RNGTT: variants seen among roughly 807,000 people sequenced by gnomAD.
The protein encoded by RNGTT is mRNA-capping enzyme.
A neutral mutation model predicts 79.3 loss-of-function variants in RNGTT; 33 were observed. The observed-to-expected ratio is 0.42, with a 90% CI of 0.32 to 0.56. RNGTT has a LOEUF of 0.56. Among genes scored for constraint, RNGTT ranks in the 20% least tolerant of loss-of-function variants. The pLI is 0.17. For synonymous variants in RNGTT, 222 were observed against 235.9 expected (o/e 0.94, Z 0.54); for missense variants, 497 against 739.1 (o/e 0.67, Z 3.80).
At chr6:88,783,043 G>A (rs1292571482) in intron 12 of RNGTT, among the ~76,000 whole-genome samples, 1 of 152,130 alleles carries the variant, frequency 6.6e-6, no homozygotes, top group African/African-American at 2.4e-5. Context: ...CCACCTCTGA[G>A]TATGTATCTG....
chr6:88,729,044 G>A (rs1461641786), intron 13 of RNGTT, among the ~76,000 whole-genome samples: 1 of 152,096 alleles, frequency 6.6e-6, no homozygotes, highest in East Asian at 1.9e-4. Flanking sequence ...GGATTCTACC[G>A]CCTGGAGTAA....
At chr6:88,875,106 T>A (rs1458255752) in intron 8 of RNGTT, among the ~76,000 whole-genome samples, 1 of 152,086 alleles carries the variant, frequency 6.6e-6, no homozygotes, top group African/African-American at 2.4e-5. Flanking sequence ...ATTAAAGCAG[T>A]AAATATTGTC....
chr6:88,906,272 C>T (rs950668389), intron 5 of RNGTT, 93 bp downstream of exon 5: 1 of 733,490 alleles, frequency 1.4e-6, no homozygotes, highest in Non-Finnish European at 2.2e-6. Flanking sequence ...CATGAGTTCA[C>T]CAAAAACTTG....
At chr6:88,631,282 CT>C (rs1772873649) in intron 14 of RNGTT, among the ~76,000 whole-genome samples, 5 of 152,160 alleles carry the variant, frequency 3.3e-5, no homozygotes, top group Admixed American at 2.0e-4. Flanking sequence ...CAGAGATCTC[CT>C]ACAGGAAAAC....
At chr6:88,940,963 G>A (rs1002129971) in intron 2 of RNGTT, 108 bp downstream of exon 2, 13 of 590,590 alleles carry the variant, frequency 2.2e-5, no homozygotes, top group African/African-American at 3.7e-5. Context: ...AACTTCCCTT[G>A]AGTCTATTAA....
chr6:88,706,932 G>A (rs1429444071), intron 13 of RNGTT, among the ~76,000 whole-genome samples: 1 of 151,602 alleles, frequency 6.6e-6, no homozygotes, highest in African/African-American at 2.4e-5. Flanking sequence ...ATCAAACGAC[G>A]AAGACATTAA....
chr6:88,780,625 G>A (rs1173079823), intron 12 of RNGTT, among the ~76,000 whole-genome samples: 2 of 144,560 alleles, frequency 1.4e-5, no homozygotes, highest in Non-Finnish European at 3.0e-5. Flanking sequence ...TGTATGAGGT[G>A]AGCTGTCAAA....
intron 13 of RNGTT, among the ~76,000 whole-genome samples, chr6:88,747,057 C>T (rs906561586): frequency 5.9e-5 from 9 of 152,170 alleles, no homozygotes; most frequent in African/African-American, 2.2e-4. Context: ...CGGCAGAATC[C>T]CCATAGGCAC....
intron 13 of RNGTT, among the ~76,000 whole-genome samples, chr6:88,711,998 A>G (rs1467408441): frequency 6.6e-6 from 1 of 152,224 alleles, no homozygotes; most frequent in Non-Finnish European, 1.5e-5. Flanking sequence ...AGTAAAACTA[A>G]AAATGAATCT....
At chr6:88,677,225 T>C (rs2756404) in intron 14 of RNGTT, among the ~76,000 whole-genome samples, 39,669 of 147,954 alleles carry the variant, frequency 0.27, 9,150 homozygotes, top group African/African-American at 0.63. Context: ...TATAAAGCTC[T>C]AGAAAATGCA....
chr6:88,837,241 T>C (rs1222004950), intron 11 of RNGTT, among the ~76,000 whole-genome samples: 1 of 151,682 alleles, frequency 6.6e-6, no homozygotes, highest in Non-Finnish European at 1.5e-5. Context: ...CACAAAAAAT[T>C]TTAAAATTAG....
At chr6:88,662,654 C>T (rs750754635) in intron 14 of RNGTT, among the ~76,000 whole-genome samples, 3 of 152,216 alleles carry the variant, frequency 2.0e-5, no homozygotes, top group Non-Finnish European at 2.9e-5. Context: ...GCCTCTTAGG[C>T]GGCTTAGGCC....
chr6:88,728,211 A>G (rs1776986857), intron 13 of RNGTT, among the ~76,000 whole-genome samples: 1 of 152,234 alleles, frequency 6.6e-6, no homozygotes, highest in South Asian at 2.1e-4. Context: ...AGTTATTAAC[A>G]TAACCAAGTC....
At chr6:88,751,367 C>T (rs575335122) in intron 13 of RNGTT, among the ~76,000 whole-genome samples, 3 of 152,052 alleles carry the variant, frequency 2.0e-5, no homozygotes, top group South Asian at 4.2e-4. Flanking sequence ...TAGAACACTA[C>T]CAAAAAGAAG....
Position 88,611,670 on chromosome 6 carries a change from A to C in RNGTT, c.*1049T>G, listed in dbSNP as rs1229119522. 3 of 152,592 alleles carry C rather than the reference A, an allele frequency of 2.0e-5. No individual in the cohort carries two copies. The highest frequency in any genetic ancestry group is 7.2e-5 in the African/African-American group (3 of 41,480). The allele number at this position is 152,592 out of a possible 1,614,324, so 9.5% of individuals were successfully genotyped here. A position where few individuals can be genotyped will look rare whatever the true frequency, so the allele number is the denominator to read the frequency against. On this transcript the variant is annotated 3_prime_UTR_variant, in exon 16 of 16. Transcript: ENST00000369485. Reference sequence around the variant, plus strand: ...GATTTCCTTGATATTTAGTTCCTACAGATGTCTACACTTTGCCTCTGCATT... The same window carrying C: ...GATTTCCTTGATATTTAGTTCCTACCGATGTCTACACTTTGCCTCTGCATT...
chr6:88,677,277 G>C lies in RNGTT; in HGVS notation c.1506+1076C>G, dbSNP rs562849858. On this transcript the variant is annotated intron_variant, in intron 14 of 15. Coordinates refer to ENST00000369485, the MANE Select transcript of RNGTT (RefSeq NM_003800.5). Reference sequence around the variant, plus strand: ...CAAAAATCAGATTACTGGTTGCCTGGAGACCAGGAAAAAAAAAAAAAAAAA... The same window carrying C: ...CAAAAATCAGATTACTGGTTGCCTGCAGACCAGGAAAAAAAAAAAAAAAAA... Among the ~76,000 whole-genome samples, 278 of 141,968 alleles carry C rather than the reference G, an allele frequency of 2.0e-3. 5 individuals are homozygous for C. The highest frequency in any genetic ancestry group is 7.3e-3 in the African/African-American group (273 of 37,312). The allele number at this position is 141,968 out of a possible 152,430, so 93.1% of individuals were successfully genotyped here.
rs142035746 is a variant in RNGTT at position 88,681,640 on chromosome 6, C to T, written c.1440-3221G>A. ...GTAATATGTAACACTTCATCATGCA[C>T]GGTGCTTATATACAATATAGCAATC... On this transcript the variant is annotated intron_variant, in intron 13 of 15. Transcript: ENST00000369485. Among the ~76,000 whole-genome samples the T allele has an allele frequency of 2.0e-3, 297 of 152,196 alleles. 4 individuals carry two copies. The highest frequency in any genetic ancestry group is 7.0e-3 in the African/African-American group (291 of 41,540).
intron 12 of RNGTT, among the ~76,000 whole-genome samples, chr6:88,779,920 A>C (rs1779008128): frequency 6.6e-6 from 1 of 152,170 alleles, no homozygotes; most frequent in Non-Finnish European, 1.5e-5. Flanking sequence ...CTTGAACCTG[A>C]AAGGCAGAGG....
At chr6:88,823,907 G>A (rs757707675) in intron 11 of RNGTT, among the ~76,000 whole-genome samples, 1 of 152,114 alleles carries the variant, frequency 6.6e-6, no homozygotes, top group Non-Finnish European at 1.5e-5. Flanking sequence ...GTCTTAACAT[G>A]AACTATAAAA....
Sources: allele counts gnomAD v4.1 joint callset (sites outside exome capture counted in the v4.1 genomes callset), GRCh38; gene constraint gnomAD v4.1.1; transcripts MANE v1.5; gene names NCBI Gene and HGNC (gene_info 2026-07-23, HGNC 2026-07-21).